Variants in TUBB4A observed in about 807,000 individuals in gnomAD.
TUBB4A encodes the protein tubulin beta-4A chain.
A neutral mutation model predicts 35.1 loss-of-function variants in TUBB4A; 13 were observed. The observed-to-expected ratio is 0.37, with a 90% CI of 0.24 to 0.59. TUBB4A has a LOEUF of 0.59. Ranked by LOEUF, TUBB4A falls within the 20% of genes least tolerant of loss-of-function variation. The pLI is 0.71. For synonymous variants in TUBB4A, 279 were observed against 272.4 expected (o/e 1.02, Z -0.24); for missense variants, 299 against 647.2 (o/e 0.46, Z 5.84).
rs924887252 is a variant in TUBB4A, at chr19:6,496,802, C to T, written c.278-581G>A. 8.8e-5 allele frequency among the ~76,000 whole-genome samples: 13 copies of T among 148,196 alleles called. No individual in the cohort carries two copies. The East Asian group carries it at 1.4e-3, about 16-fold the overall frequency. ...AGCCACTGCATTCCAGCCTGGGTGACGGAGTGAGACTCCATCTCAAAAACA... is the reference window on the plus strand; with the variant it reads ...AGCCACTGCATTCCAGCCTGGGTGATGGAGTGAGACTCCATCTCAAAAACA... On this transcript the variant is annotated intron_variant, in intron 3 of 3. Coordinates refer to ENST00000264071, the MANE Select transcript of TUBB4A (RefSeq NM_006087.4).
chr19:6,498,774 C>A (rs915427115), intron 3 of TUBB4A, among the ~76,000 whole-genome samples: 2 of 152,234 alleles, frequency 1.3e-5, no homozygotes, highest in South Asian at 4.1e-4. Flanking sequence ...ACTGCAGATT[C>A]TCGGGACTGA....
In TUBB4A at chr19:6,501,122, A is replaced by T; in HGVS notation, c.277+165T>A. ...TATCCGCCCTCCTCAGGGCTCTCAC[A>T]GTGGCCTGAGCATCCCCTCATCACA... On this transcript the variant is annotated intron_variant, in intron 3 of 3. Coordinates refer to ENST00000264071, the MANE Select transcript of TUBB4A (RefSeq NM_006087.4). This position sits in a 1 kb window ranked among gnomAD's most constrained non-coding sequence, Gnocchi z 4.2. 1.7e-6 allele frequency: 1 copy of T among 592,576 alleles called. No individual in the cohort carries two copies. The highest frequency in any genetic ancestry group is 3.0e-6 in the Non-Finnish European group (1 of 335,210). The allele number at this position is 592,576 out of a possible 1,614,324, so 36.7% of individuals were successfully genotyped here.
In TUBB4A at chr19:6,501,431, G is replaced by T. The variant is rs368931777; in HGVS notation, c.167-34C>A. ...AAACAGATGGAGGGCAGTTCGATGC[G>T]TGCCAGGAACCACAGGCGCCCGGTA... is the stretch of plus-strand genomic sequence containing the variant. On this transcript the variant is annotated intron_variant, in intron 2 of 3. Transcript: ENST00000264071. This position sits in a 1 kb window ranked among gnomAD's most constrained non-coding sequence, Gnocchi z 4.2. 3 of 1,605,446 alleles carry T rather than the reference G, an allele frequency of 1.9e-6. No individual in the cohort carries two copies. The highest frequency in any genetic ancestry group is 2.2e-5 in the South Asian group (2 of 90,636).
rs1192603735 is a variant in TUBB4A at position 6,502,264 on chromosome 19, TGCG to T, written c.-55_-53del. 7 of 1,471,752 alleles carry T rather than the reference TGCG, an allele frequency of 4.8e-6. No individual in the cohort carries two copies. The highest frequency in any genetic ancestry group is 4.8e-5 in the Admixed American group (2 of 41,692). 91.2% of individuals were successfully genotyped at this position (1,471,752 alleles called of 1,614,324 possible). On this transcript the variant is annotated 5_prime_UTR_variant, in exon 1 of 4. Transcript: ENST00000264071. ...CGGCGGTGGCACGAGCGCGGGGAGC[TGCG>T]GCGGCGGCGAGGGTGGAAGATGCGG...
At chr19:6,500,952 G>A (rs1328958992) in intron 3 of TUBB4A, 1 of 251,366 alleles carries the variant, frequency 4.0e-6, no homozygotes, top group African/African-American at 2.2e-5. Flanking sequence ...TCTAGAACAG[G>A]GCCTGGTATG....
At chr19:6,496,326 A>G in intron 3 of TUBB4A, 105 bp from the exon 4 acceptor site, 2 of 1,085,420 alleles carry the variant, frequency 1.8e-6, no homozygotes, top group Non-Finnish European at 2.6e-6. Flanking sequence ...AATACTAGTA[A>G]CTATCAAAAA....
Position 6,495,911 on chromosome 19 carries a change from C to G in TUBB4A, c.588G>C (p.Thr196=). 1 of 1,614,196 alleles carries G rather than the reference C, an allele frequency of 6.2e-7. No homozygotes were observed. Among genetic ancestry groups the G allele is most frequent in the South Asian group, 1.1e-5 (1 of 91,090 alleles). The change falls in exon 4 of 4, where the codon ACG becomes ACC. Residue 196 remains threonine, a synonymous_variant. Coordinates refer to ENST00000264071, the MANE Select transcript of TUBB4A (RefSeq NM_006087.4). This position sits in a 1 kb window ranked among gnomAD's most constrained non-coding sequence, Gnocchi z 8.7. ...CGTTGTCGATGCAGTAGGTCTCATCCGTATTCTCCACCAGCTGGTGCACAG... is the reference window on the plus strand; with the variant it reads ...CGTTGTCGATGCAGTAGGTCTCATCGGTATTCTCCACCAGCTGGTGCACAG... ...TLSVHQLVEN[T]DETYCIDNEA... is the part of the protein sequence containing the mutation.
rs1239644652 is a variant in TUBB4A, at chr19:6,494,738, G to A, written c.*426C>T. 2 of 222,198 alleles carry A rather than the reference G, an allele frequency of 9.0e-6. No homozygotes were observed. The highest frequency in any genetic ancestry group is 4.6e-5 in the African/African-American group (2 of 43,790). The allele number at this position is 222,198 out of a possible 1,614,324, so 13.8% of individuals were successfully genotyped here. A position where few individuals can be genotyped will look rare whatever the true frequency, so the allele number is the denominator to read the frequency against. On this transcript the variant is annotated 3_prime_UTR_variant, in exon 4 of 4. Transcript: ENST00000264071. ...GGGGCTCAGGTGGGGGGTTAAAGGTGAGGCAAGGTCAGCGGTGAAGTGCAG... is the reference window on the plus strand; with the variant it reads ...GGGGCTCAGGTGGGGGGTTAAAGGTAAGGCAAGGTCAGCGGTGAAGTGCAG...
chr19:6,497,667 GC>G (rs1303424869), intron 3 of TUBB4A, among the ~76,000 whole-genome samples: 3 of 152,020 alleles, frequency 2.0e-5, no homozygotes, highest in Admixed American at 6.6e-5. Context: ...AGGCGCAGTG[GC>G]TCATGCCTGT....
chr19:6,495,959 C>T lies in TUBB4A; in HGVS notation c.540G>A (p.Val180=), dbSNP rs941410459. The change falls in exon 4 of 4, where the codon GTG becomes GTA. Residue 180 remains valine, a synonymous_variant. Coordinates refer to ENST00000264071, the MANE Select transcript of TUBB4A (RefSeq NM_006087.4). The surrounding 1 kb of genome is among the most constrained non-coding windows in gnomAD (Gnocchi z 8.7). ...VPSPKVSDTV[V]EPYNATLSVH... ...CAGACAGCGTGGCGTTGTAGGGCTC[C>T]ACCACCGTGTCTGACACTTTGGGCG... is the stretch of plus-strand genomic sequence containing the variant. The T allele has an allele frequency of 1.9e-6, 3 of 1,614,078 alleles. No homozygotes were observed. The highest frequency in any genetic ancestry group is 2.5e-6 in the Non-Finnish European group (3 of 1,180,040).
Position 6,500,066 on chromosome 19 carries a change from C to T in TUBB4A, c.277+1221G>A, listed in dbSNP as rs376820427. On this transcript the variant is annotated intron_variant, in intron 3 of 3. Transcript: ENST00000264071. ...TCGGCCTCCCAAAGTGCTGGGATTA[C>T]AGGTGTGAGCCACCGTGCCCACCCT... Among the ~76,000 whole-genome samples the T allele has an allele frequency of 9.2e-3, 1,400 of 152,162 alleles. 27 individuals are homozygous for T. The highest frequency in any genetic ancestry group is 0.029 in the African/African-American group (1,216 of 41,510).
Position 6,501,212 on chromosome 19 carries a change from G to T in TUBB4A, c.277+75C>A. 2 of 1,272,630 alleles carry T rather than the reference G, an allele frequency of 1.6e-6. No homozygotes were observed. The highest frequency in any genetic ancestry group is 2.2e-6 in the Non-Finnish European group (2 of 900,694). The allele number at this position is 1,272,630 out of a possible 1,614,324, so 78.8% of individuals were successfully genotyped here. A position where few individuals can be genotyped will look rare whatever the true frequency, so the allele number is the denominator to read the frequency against. On this transcript the variant is annotated intron_variant, in intron 3 of 3. Coordinates refer to ENST00000264071, the MANE Select transcript of TUBB4A (RefSeq NM_006087.4). The surrounding 1 kb of genome is among the most constrained non-coding windows in gnomAD (Gnocchi z 4.2). ...CCATCTCTGGTCTGTGGGCCCCGGT[G>T]GTGGCTGTTGACTCTGTGGTGTTAG...
chr19:6,501,430 C>T lies in TUBB4A; in HGVS notation c.167-33G>A, dbSNP rs1235756316. ...GAAACAGATGGAGGGCAGTTCGATG[C>T]GTGCCAGGAACCACAGGCGCCCGGT... On this transcript the variant is annotated intron_variant, in intron 2 of 3. Coordinates refer to ENST00000264071, the MANE Select transcript of TUBB4A (RefSeq NM_006087.4). The surrounding 1 kb of genome is among the most constrained non-coding windows in gnomAD (Gnocchi z 4.2). 1 of 1,605,200 alleles carries T rather than the reference C, an allele frequency of 6.2e-7. No homozygotes were observed. The highest frequency in any genetic ancestry group is 8.5e-7 in the Non-Finnish European group (1 of 1,173,638).
At chr19:6,499,130 C>G (rs1044701072) in intron 3 of TUBB4A, among the ~76,000 whole-genome samples, 1 of 152,152 alleles carries the variant, frequency 6.6e-6, no homozygotes, top group Non-Finnish European at 1.5e-5. Flanking sequence ...AATAGGAGAC[C>G]AGCCTGGCCA....
rs567346964 is a variant in TUBB4A, at chr19:6,494,735, G to A, written c.*429C>T. On this transcript the variant is annotated 3_prime_UTR_variant, in exon 4 of 4. Coordinates refer to ENST00000264071, the MANE Select transcript of TUBB4A (RefSeq NM_006087.4). ...GCTGGGGCTCAGGTGGGGGGTTAAA[G>A]GTGAGGCAAGGTCAGCGGTGAAGTG... 2.5e-3 allele frequency: 566 copies of A among 222,072 alleles called. 4 individuals are homozygous for A. Among genetic ancestry groups the A allele is most frequent in the African/African-American group, 0.012 (515 of 43,832 alleles). 13.8% of individuals were successfully genotyped at this position (222,072 alleles called of 1,614,324 possible). A position where few individuals can be genotyped will look rare whatever the true frequency, so the allele number is the denominator to read the frequency against.
At chr19:6,496,317 A>AC in intron 3 of TUBB4A, 96 bp from the exon 4 acceptor site, 16 of 1,144,140 alleles carry the variant, frequency 1.4e-5, no homozygotes, top group South Asian at 3.0e-5. Flanking sequence ...TAGTAGTTGA[A>AC]TACTAGTAAC....
chr19:6,501,685 G>T lies in TUBB4A; in HGVS notation c.58-62C>A. On this transcript the variant is annotated intron_variant, in intron 1 of 3. Coordinates refer to ENST00000264071, the MANE Select transcript of TUBB4A (RefSeq NM_006087.4). The surrounding 1 kb of genome is among the most constrained non-coding windows in gnomAD (Gnocchi z 4.2). ...GAAGCCGGTGGCCAAGCCGAGGACT[G>T]CCCCCAGCCCCCAACTAGCTCCCTA... The T allele has an allele frequency of 7.2e-7, 1 of 1,380,128 alleles. No individual in the cohort carries two copies. Among genetic ancestry groups the T allele is most frequent in the Non-Finnish European group, 1.0e-6 (1 of 983,914 alleles). 85.5% of individuals were successfully genotyped at this position (1,380,128 alleles called of 1,614,324 possible).
At chr19:6,502,640 C>T (rs1914596660), upstream of TUBB4A, 1 of 174,594 alleles carries the variant, frequency 5.7e-6, no homozygotes, top group Non-Finnish European at 1.2e-5. Flanking sequence ...AAGTCCTGCC[C>T]CTCCCCCTTA....
rs180867433 is a variant in TUBB4A at position 6,495,052 on chromosome 19, G to T, written c.*112C>A. 4.6e-6 allele frequency: 6 copies of T among 1,304,828 alleles called. No individual in the cohort carries two copies. The East Asian group carries it at 1.2e-4, about 27-fold the overall frequency. The allele number at this position is 1,304,828 out of a possible 1,614,324, so 80.8% of individuals were successfully genotyped here. ...AGCTCCAAAGGTATTGTTAGGGTCA[G>T]CGGGGAGTCAGCCTTGGAGGGAAAG... On this transcript the variant is annotated 3_prime_UTR_variant, in exon 4 of 4. Transcript: ENST00000264071. This position sits in a 1 kb window ranked among gnomAD's most constrained non-coding sequence, Gnocchi z 8.7.
Sources: gnomAD v4.1 joint callset for allele counts (sites outside exome capture counted in the v4.1 genomes callset) on GRCh38, gnomAD v4.1.1 for gene constraint, Gnocchi (gnomAD v3.1) non-coding constraint, MANE v1.5 for transcripts, NCBI Gene and HGNC (gene_info 2026-07-23, HGNC 2026-07-21) for gene names.